The following C10orf90 variants were observed in gnomAD, a reference collection of about 807,000 sequenced individuals.
The protein encoded by C10orf90 is (E2-independent) E3 ubiquitin-conjugating enzyme FATS.
A neutral mutation model predicts 62.5 loss-of-function variants in C10orf90; 56 were observed. That is an observed-to-expected ratio of 0.90 (90% CI 0.72 to 1.12). The LOEUF is 1.12. Ranked by LOEUF, C10orf90 falls within the 50% of genes most tolerant of loss-of-function variation. The probability of loss-of-function intolerance (pLI) is 0.00; values close to 1 mark genes in which losing one functional copy is unlikely to be tolerated. For missense variants in C10orf90, 970 were observed against 880.4 expected, an observed-to-expected ratio of 1.10 and a Z score of -1.29; for synonymous variants, 386 against 340.4, an observed-to-expected ratio of 1.13 and a Z score of -1.47.
intron 6 of C10orf90, among the ~76,000 whole-genome samples, chr10:126,460,148 A>G (rs1859875921): frequency 6.6e-6 from 1 of 152,154 alleles, no homozygotes; most frequent in Non-Finnish European, 1.5e-5. Context: ...ACCCATAGCC[A>G]TTGGCTCAAG....
At chr10:126,529,776 T>C (rs1238317551) in intron 2 of C10orf90, among the ~76,000 whole-genome samples, 1 of 152,202 alleles carries the variant, frequency 6.6e-6, no homozygotes, top group Non-Finnish European at 1.5e-5. Flanking sequence ...CAGCAACTAA[T>C]ACGATCACTA....
rs780409513 is a variant in C10orf90 at position 126,667,275 on chromosome 10, G to GTCTTT, written c.240+2965_240+2966insAAAGA. Among the ~76,000 whole-genome samples the GTCTTT allele has an allele frequency of 3.3e-5, 5 of 151,502 alleles. No homozygotes were observed. The South Asian group carries it at 6.3e-4, about 19-fold the overall frequency. On this transcript the variant is annotated intron_variant, in intron 1 of 9. Coordinates refer to ENST00000488181, the MANE Select transcript of C10orf90 (RefSeq NM_001350921.2). ...GGGTTTCACTGTGTTAGCCAGGATG[G>GTCTTT]TCTTGATCTCCTGACCTCGTGATCC... is the stretch of plus-strand genomic sequence containing the variant.
chr10:126,564,963 A>T (rs1415786937), intron 2 of C10orf90, among the ~76,000 whole-genome samples: 1 of 25,470 alleles, frequency 3.9e-5, no homozygotes, highest in Admixed American at 8.9e-4. Flanking sequence ...TAAAATATAA[A>T]ATATATATAA....
intron 2 of C10orf90, among the ~76,000 whole-genome samples, chr10:126,545,591 T>C (rs767311034): frequency 9.3e-5 from 14 of 150,176 alleles, no homozygotes; most frequent in Non-Finnish European, 1.9e-4. Context: ...CCTCTCATAA[T>C]GTTTAAATGG....
intron 4 of C10orf90, among the ~76,000 whole-genome samples, chr10:126,468,779 C>T (rs974937907): frequency 7.2e-5 from 11 of 152,080 alleles, no homozygotes; most frequent in Non-Finnish European, 1.5e-4. Flanking sequence ...CAAGAACAGC[C>T]GAGAAGAGGC....
intron 7 of C10orf90, among the ~76,000 whole-genome samples, chr10:126,455,211 G>A (rs981887782): frequency 6.6e-6 from 1 of 152,034 alleles, no homozygotes; most frequent in African/African-American, 2.4e-5. Flanking sequence ...TCTTTCCTTG[G>A]GCTCCTCTTT....
chr10:126,589,429 A>G (rs1345657522), intron 2 of C10orf90, among the ~76,000 whole-genome samples: 1 of 152,190 alleles, frequency 6.6e-6, no homozygotes, highest in Non-Finnish European at 1.5e-5. Context: ...TCGAAATGAA[A>G]GAAATAATGT....
intron 4 of C10orf90, among the ~76,000 whole-genome samples, chr10:126,503,089 T>TG (rs1181263476): frequency 6.6e-6 from 1 of 152,226 alleles, no homozygotes; most frequent in African/African-American, 2.4e-5. Flanking sequence ...TATCTTTAAA[T>TG]ACTTTTTTCC....
rs138885404 is a variant in C10orf90, at chr10:126,456,002, C to T, written c.2188+3038G>A. On this transcript the variant is annotated intron_variant, in intron 7 of 9. Transcript: ENST00000488181. This position sits in a 1 kb window ranked among gnomAD's most constrained non-coding sequence, Gnocchi z 4.9. The stretch of plus-strand genomic sequence containing the variant: ...TCCTGAGCCAAGATTGCTTGACAAG[C>T]CCCGATCAGAGGCAGCTACCCCAGC... 1.6e-3 allele frequency among the ~76,000 whole-genome samples: 241 copies of T among 152,352 alleles called. 2 individuals carry two copies. The highest frequency in any genetic ancestry group is 5.6e-3 in the African/African-American group (232 of 41,582).
chr10:126,655,249 C>T (rs932178341), intron 1 of C10orf90, among the ~76,000 whole-genome samples: 4 of 152,028 alleles, frequency 2.6e-5, no homozygotes, highest in Non-Finnish European at 4.4e-5. Context: ...ACCCAGGAGG[C>T]GGAGGTGGCA....
chr10:126,605,572 C>T lies in C10orf90; in HGVS notation c.313+40993G>A, dbSNP rs74637821. Among the ~76,000 whole-genome samples, 66 of 152,268 alleles carry T rather than the reference C, an allele frequency of 4.3e-4. No homozygotes were observed. In the East Asian group the frequency reaches 0.01, roughly 23 times the overall value. ...GAGGAGAAAAGATGTGTTGAATCCT[C>T]GCAGCTCCTAGCCCCTAGCTCTGCA... On this transcript the variant is annotated intron_variant, in intron 2 of 9. Transcript: ENST00000488181.
intron 2 of C10orf90, among the ~76,000 whole-genome samples, chr10:126,616,439 T>C (rs76419141): frequency 0.023 from 3,435 of 152,228 alleles, 135 homozygotes; most frequent in African/African-American, 0.075. Flanking sequence ...CCCTACCCCA[T>C]TGAATCTTCC....
chr10:126,597,522 A>G (rs1482605673), intron 2 of C10orf90, among the ~76,000 whole-genome samples: 4 of 152,342 alleles, frequency 2.6e-5, no homozygotes, highest in African/African-American at 9.6e-5. Flanking sequence ...GATGCAGCAG[A>G]TGAACTTAAT....
chr10:126,631,096 G>T (rs1354253385), intron 2 of C10orf90, among the ~76,000 whole-genome samples: 2 of 152,162 alleles, frequency 1.3e-5, no homozygotes, highest in Non-Finnish European at 2.9e-5. Flanking sequence ...AGATTATCCA[G>T]GTGTTAGGCT....
chr10:126,609,927 G>T (rs1468041847), intron 2 of C10orf90, among the ~76,000 whole-genome samples: 1 of 152,132 alleles, frequency 6.6e-6, no homozygotes, highest in Non-Finnish European at 1.5e-5. Flanking sequence ...TGTTCTTCTT[G>T]CCTGGGTAGA....
chr10:126,578,868 C>T (rs1844681648), intron 2 of C10orf90, among the ~76,000 whole-genome samples: 1 of 152,042 alleles, frequency 6.6e-6, no homozygotes, highest in Non-Finnish European at 1.5e-5. Flanking sequence ...ACACAAAATG[C>T]AAAAATAGGC....
rs1325803785 is a variant in C10orf90, at chr10:126,456,947, G to A, written c.2188+2093C>T. ...TGACTTCTGGCCTCTAGAACTGCAA[G>A]AAAGTAAGTTTCTGGGCTTGTTTTG... On this transcript the variant is annotated intron_variant, in intron 7 of 9. Transcript: ENST00000488181. This position sits in a 1 kb window ranked among gnomAD's most constrained non-coding sequence, Gnocchi z 4.9. Among the ~76,000 whole-genome samples, 2 of 152,206 alleles carry A rather than the reference G, an allele frequency of 1.3e-5. No homozygotes were observed. The highest frequency in any genetic ancestry group is 6.5e-5 in the Admixed American group (1 of 15,288).
At chr10:126,526,245 CTT>C (rs1291026294) in intron 2 of C10orf90, among the ~76,000 whole-genome samples, 8 of 139,304 alleles carry the variant, frequency 5.7e-5, no homozygotes, top group Admixed American at 7.2e-5. Context: ...CTGCAATTGA[CTT>C]TTTTTTTTTT....
chr10:126,612,483 G>A (rs1399351859), intron 2 of C10orf90, among the ~76,000 whole-genome samples: 7 of 152,188 alleles, frequency 4.6e-5, no homozygotes, highest in Non-Finnish European at 8.8e-5. Flanking sequence ...TGTGAGAGAC[G>A]CTAATCAGAG....
Sources: allele counts gnomAD v4.1 joint callset (sites outside exome capture counted in the v4.1 genomes callset), GRCh38; gene constraint gnomAD v4.1.1; non-coding constraint Gnocchi (gnomAD v3.1); transcripts MANE v1.5; gene names NCBI Gene and HGNC (gene_info 2026-07-23, HGNC 2026-07-21).